Variants in GHR observed in about 807,000 individuals in gnomAD.
The protein encoded by GHR is growth hormone receptor.
GHR carries 35 observed loss-of-function variants against 67.1 expected under a neutral mutation model. The observed-to-expected ratio is 0.52, with a 90% CI of 0.40 to 0.69. The LOEUF (loss-of-function observed/expected upper bound fraction) is 0.69. Among genes scored for constraint, GHR ranks in the 30% least tolerant of loss-of-function variants. The pLI, the probability that GHR is intolerant of heterozygous loss-of-function variation, is 0.00. For synonymous variants in GHR, 272 were observed against 269.1 expected, an observed-to-expected ratio of 1.01 and a Z score of -0.10; for missense variants, 792 against 764.6, an observed-to-expected ratio of 1.04 and a Z score of -0.42.
intron 2 of GHR, among the ~76,000 whole-genome samples, chr5:42,607,180 T>C (rs1421890453): frequency 6.6e-6 from 1 of 152,170 alleles, no homozygotes; most frequent in Admixed American, 6.5e-5. Flanking sequence ...TCCTGAGCCC[T>C]CCCCAGCCAT....
chr5:42,474,355 A>C (rs1428087056), intron 1 of GHR, among the ~76,000 whole-genome samples: 3 of 151,718 alleles, frequency 2.0e-5, no homozygotes, highest in Admixed American at 6.6e-5. Flanking sequence ...ATAAAGAAAG[A>C]AAGCAAAGTG....
intron 7 of GHR, among the ~76,000 whole-genome samples, chr5:42,712,241 A>G (rs4242119): frequency 0.65 from 98,505 of 151,910 alleles, 33,312 homozygotes; most frequent in East Asian, 0.84. Context: ...CATTAGGATG[A>G]AAATTTCTAT....
At chr5:42,468,089 T>A in intron 1 of GHR, 3 of 1,057,096 alleles carry the variant, frequency 2.8e-6, no homozygotes, top group Non-Finnish European at 4.3e-6. Context: ...CTCACGTATC[T>A]CAGTTTTTGG....
intron 1 of GHR, among the ~76,000 whole-genome samples, chr5:42,524,331 T>C (rs1470133030): frequency 6.6e-6 from 1 of 152,190 alleles, no homozygotes; most frequent in Admixed American, 6.5e-5. Context: ...GGAGAAAATA[T>C]GACTCTTGTT....
At chr5:42,540,216 T>TCTCTC (rs1166549838) in intron 1 of GHR, among the ~76,000 whole-genome samples, 1 of 151,946 alleles carries the variant, frequency 6.6e-6, no homozygotes, top group Non-Finnish European at 1.5e-5. Context: ...TCTCTCTCTC[T>TCTCTC]CTCTGTATCT....
At chr5:42,604,144 G>C (rs1004823923) in intron 2 of GHR, among the ~76,000 whole-genome samples, 4 of 152,196 alleles carry the variant, frequency 2.6e-5, no homozygotes, top group Non-Finnish European at 4.4e-5. Flanking sequence ...TGGAGTTGGG[G>C]TACACAACCC....
Position 42,470,049 on chromosome 5 carries a change from T to C in GHR, c.-12+46094T>C, listed in dbSNP as rs1744929175. Reference sequence around the variant, plus strand: ...AAATAATATATATATACTACTAATATAATTAATAATGTGTGTATAAATAAT... The same window carrying C: ...AAATAATATATATATACTACTAATACAATTAATAATGTGTGTATAAATAAT... On this transcript the variant is annotated intron_variant, in intron 1 of 9. Transcript: ENST00000230882. Among the ~76,000 whole-genome samples, 3 of 134,422 alleles carry C rather than the reference T, an allele frequency of 2.2e-5. No individual in the cohort carries two copies. In the Admixed American group the frequency reaches 2.4e-4, roughly 11 times the overall value. The allele number at this position is 134,422 out of a possible 152,430, so 88.2% of individuals were successfully genotyped here.
intron 3 of GHR, among the ~76,000 whole-genome samples, chr5:42,631,282 T>C (rs1753916331): frequency 6.6e-6 from 1 of 152,220 alleles, no homozygotes; most frequent in Non-Finnish European, 1.5e-5. Flanking sequence ...TTATCATTCA[T>C]ATGTGGTAAG....
chr5:42,467,703 A>T, intron 1 of GHR: 1 of 1,574,412 alleles, frequency 6.4e-7, no homozygotes, highest in Non-Finnish European at 8.7e-7. Context: ...AGGCCTTCCC[A>T]CACTCATGAC....
intron 2 of GHR, among the ~76,000 whole-genome samples, chr5:42,625,648 T>C (rs1020929384): frequency 6.6e-6 from 1 of 152,128 alleles, no homozygotes; most frequent in Non-Finnish European, 1.5e-5. Flanking sequence ...ACAACTCAAA[T>C]GGGGGGCTTC....
At chr5:42,587,854 T>C (rs1483374191) in intron 2 of GHR, among the ~76,000 whole-genome samples, 1 of 152,112 alleles carries the variant, frequency 6.6e-6, no homozygotes, top group Non-Finnish European at 1.5e-5. Flanking sequence ...CTTCCCATGC[T>C]ACTACTCCAC....
At chr5:42,558,368 GC>G (rs1749424461) in intron 1 of GHR, among the ~76,000 whole-genome samples, 1 of 152,122 alleles carries the variant, frequency 6.6e-6, no homozygotes, top group African/African-American at 2.4e-5. Context: ...AAGCAAATAT[GC>G]CCATAGTAAG....
chr5:42,696,234 G>T (rs544056307), intron 5 of GHR, among the ~76,000 whole-genome samples: 46 of 152,316 alleles, frequency 3.0e-4, no homozygotes, highest in Middle Eastern at 3.4e-3. Context: ...GGTGGTGGTG[G>T]TTATAGAATA....
intron 1 of GHR, among the ~76,000 whole-genome samples, chr5:42,493,932 T>C (rs762531409): frequency 4.6e-5 from 7 of 152,114 alleles, no homozygotes; most frequent in Admixed American, 2.0e-4. Context: ...ATAATCAACA[T>C]AGGGAAGTCA....
chr5:42,696,891 G>T (rs1466471618), intron 5 of GHR, among the ~76,000 whole-genome samples: 1 of 152,172 alleles, frequency 6.6e-6, no homozygotes, highest in African/African-American at 2.4e-5. Context: ...GATAGAGCTG[G>T]GATTTGAACC....
At chr5:42,670,880 AATAT>A (rs55876651) in intron 3 of GHR, among the ~76,000 whole-genome samples, 1 of 118,212 alleles carries the variant, frequency 8.5e-6, no homozygotes, top group Non-Finnish European at 1.7e-5. Context: ...AAAAAAAAAA[AATAT>A]ATATATATAT....
In GHR at chr5:42,464,055, CA is replaced by C. The variant is rs71608649; in HGVS notation, c.-12+40115del. On this transcript the variant is annotated intron_variant, in intron 1 of 9. Transcript: ENST00000230882. ...TTTAGTGTTACCTTGTTGATATTAC[CA>C]AAAAAAAAAAAAAAGTGCTCAGAGT... Among the ~76,000 whole-genome samples, 168 of 123,814 alleles carry C rather than the reference CA, an allele frequency of 1.4e-3. 1 individual carries two copies. The highest frequency in any genetic ancestry group is 9.1e-3 in the South Asian group (34 of 3,750). The allele number at this position is 123,814 out of a possible 152,430, so 81.2% of individuals were successfully genotyped here. A position where few individuals can be genotyped will look rare whatever the true frequency, so the allele number is the denominator to read the frequency against.
intron 1 of GHR, among the ~76,000 whole-genome samples, chr5:42,475,602 T>C (rs1042482928): frequency 4.0e-5 from 6 of 150,448 alleles, no homozygotes; most frequent in African/African-American, 1.5e-4. Context: ...TTTTTTTTTC[T>C]TAAAAAGGAC....
At position 42,664,747 on chromosome 5, in the gene GHR, G is replaced by T. The variant is rs375179820; in HGVS notation, c.137-24143G>T. 2.6e-5 allele frequency among the ~76,000 whole-genome samples: 4 copies of T among 152,002 alleles called. No individual in the cohort carries two copies. The South Asian group carries it at 8.3e-4, about 32-fold the overall frequency. On this transcript the variant is annotated intron_variant, in intron 3 of 9. Coordinates refer to ENST00000230882, the MANE Select transcript of GHR (RefSeq NM_000163.5). ...ACAAAAGCAAAAATTGACAAATGGG[G>T]TCTAATTAAACTAAAGAGCTTCTGC...
Sources: gnomAD v4.1 joint callset for allele counts (sites outside exome capture counted in the v4.1 genomes callset) on GRCh38, gnomAD v4.1.1 for gene constraint, MANE v1.5 for transcripts, NCBI Gene and HGNC (gene_info 2026-07-23, HGNC 2026-07-21) for gene names.